WWOX: variants seen among roughly 807,000 people sequenced by gnomAD.
WWOX encodes WW domain containing oxidoreductase, also known as WW domain-containing oxidoreductase.
WWOX carries 69 observed loss-of-function variants against 46.2 expected under a neutral mutation model. The observed-to-expected ratio is 1.49, with a 90% confidence interval of 1.23 to 1.82. The LOEUF (loss-of-function observed/expected upper bound fraction) is 1.82. WWOX is among the 40% of genes most tolerant of loss of function. The pLI is 0.00. For synonymous variants in WWOX, 359 were observed against 202.6 expected (o/e 1.77, Z -6.56); for missense variants, 919 against 542.6 (o/e 1.69, Z -6.89).
chr16:78,436,114 A>T (rs959662645), intron 8 of WWOX, among the ~76,000 whole-genome samples: 8 of 152,156 alleles, frequency 5.3e-5, no homozygotes, highest in African/African-American at 7.2e-5. Context: ...TTCGCATGGG[A>T]GGTATGCAGT....
chr16:78,457,123 A>G (rs1373419781), intron 8 of WWOX, among the ~76,000 whole-genome samples: 2 of 152,324 alleles, frequency 1.3e-5, no homozygotes, highest in African/African-American at 4.8e-5. Flanking sequence ...CAGAATGGTA[A>G]CATTCTCTCT....
chr16:78,714,264 G>GTT (rs779263203), intron 8 of WWOX, among the ~76,000 whole-genome samples: 1 of 152,178 alleles, frequency 6.6e-6, no homozygotes, highest in Non-Finnish European at 1.5e-5. Context: ...CGGACTCATA[G>GTT]TTGCACATGG....
chr16:78,739,167 A>C (rs185628928), intron 8 of WWOX, among the ~76,000 whole-genome samples: 207 of 152,054 alleles, frequency 1.4e-3, no homozygotes, highest in Non-Finnish European at 2.5e-3. Context: ...CAGAGCTAGG[A>C]CCATGACTTT....
intron 8 of WWOX, among the ~76,000 whole-genome samples, chr16:78,727,009 A>G (rs1361045265): frequency 1.3e-5 from 2 of 152,142 alleles, no homozygotes; most frequent in Non-Finnish European, 2.9e-5. Flanking sequence ...GCAGCCCTCT[A>G]CATCTTCCGT....
intron 8 of WWOX, among the ~76,000 whole-genome samples, chr16:78,830,934 T>C (rs1163741077): frequency 1.3e-4 from 20 of 152,156 alleles, no homozygotes; most frequent in Admixed American, 1.3e-3. Flanking sequence ...AAAAGGGCCA[T>C]AGCAATCATT....
At chr16:79,032,794 G>C (rs550758639) in intron 8 of WWOX, among the ~76,000 whole-genome samples, 1 of 151,484 alleles carries the variant, frequency 6.6e-6, no homozygotes, top group South Asian at 2.1e-4. Flanking sequence ...AAGTTCAGGG[G>C]TCCATGTGCA....
At chr16:78,412,874 G>A (rs1304667139) in intron 6 of WWOX, among the ~76,000 whole-genome samples, 3 of 152,192 alleles carry the variant, frequency 2.0e-5, no homozygotes, top group Non-Finnish European at 4.4e-5. Context: ...AGAGAGAGAC[G>A]AGTGCAACCT....
chr16:78,830,427 C>T (rs2051787733), intron 8 of WWOX, among the ~76,000 whole-genome samples: 1 of 152,024 alleles, frequency 6.6e-6, no homozygotes, highest in African/African-American at 2.4e-5. Context: ...CTCTCCCCTC[C>T]CCCACTTTTT....
chr16:79,118,151 C>G (rs2049555561), intron 8 of WWOX, among the ~76,000 whole-genome samples: 1 of 152,198 alleles, frequency 6.6e-6, no homozygotes, highest in African/African-American at 2.4e-5. Flanking sequence ...AGACATGCAA[C>G]TCTGACTTTC....
chr16:78,214,707 C>T (rs868405836), intron 5 of WWOX, among the ~76,000 whole-genome samples: 11 of 152,238 alleles, frequency 7.2e-5, no homozygotes, highest in Middle Eastern at 3.4e-3. Flanking sequence ...TGCCCAGCAA[C>T]GCTCCATTCA....
chr16:78,476,633 A>C (rs542980423), intron 8 of WWOX, among the ~76,000 whole-genome samples: 3 of 150,576 alleles, frequency 2.0e-5, no homozygotes, highest in African/African-American at 4.9e-5. Flanking sequence ...AAAAAAAAGA[A>C]CTGGAGCATC....
intron 8 of WWOX, among the ~76,000 whole-genome samples, chr16:78,966,172 T>G (rs2046360076): frequency 6.6e-6 from 1 of 152,224 alleles, no homozygotes; most frequent in Non-Finnish European, 1.5e-5. Flanking sequence ...TATAATTTAT[T>G]TTTCCGTGTG....
intron 8 of WWOX, among the ~76,000 whole-genome samples, chr16:78,476,468 A>T (rs998003679): frequency 5.3e-5 from 8 of 152,044 alleles, no homozygotes; most frequent in Admixed American, 2.6e-4. Context: ...GGGTGCGGGG[A>T]GGGGAGAGGG....
intron 4 of WWOX, among the ~76,000 whole-genome samples, chr16:78,156,830 A>T (rs767152656): frequency 6.6e-6 from 1 of 152,168 alleles, no homozygotes; most frequent in African/African-American, 2.4e-5. Flanking sequence ...AGACTGAGAC[A>T]CGAGAATCGC....
chr16:78,468,279 T>TG (rs1359093256), intron 8 of WWOX, among the ~76,000 whole-genome samples: 35 of 151,802 alleles, frequency 2.3e-4, no homozygotes, highest in African/African-American at 8.0e-4. Context: ...TTTTTTTTTT[T>TG]TTTAAACTTC....
intron 8 of WWOX, among the ~76,000 whole-genome samples, chr16:78,578,284 ATTTTTTT>A (rs1172203878): frequency 1.7e-3 from 35 of 20,830 alleles, no homozygotes; most frequent in African/African-American, 6.8e-3. Context: ...ATATATATAT[ATTTTTTT>A]TTTTTTTTTT....
chr16:78,270,617 C>G (rs1167084633), intron 5 of WWOX: 1 of 152,208 alleles, frequency 6.6e-6, no homozygotes, highest in Admixed American at 6.5e-5. Flanking sequence ...TGTATCTGAT[C>G]CTGGGTCTCC....
chr16:78,272,329 G>T (rs1343298908), intron 5 of WWOX, among the ~76,000 whole-genome samples: 1 of 152,166 alleles, frequency 6.6e-6, no homozygotes, highest in Non-Finnish European at 1.5e-5. Context: ...CTTACCCAGA[G>T]CCCTACACAT....
intron 8 of WWOX, among the ~76,000 whole-genome samples, chr16:78,465,402 A>C (rs952128773): frequency 6.6e-6 from 1 of 152,030 alleles, no homozygotes; most frequent in Non-Finnish European, 1.5e-5. Flanking sequence ...CCACTCTCCA[A>C]CTCCTAAGCT....
Sources: allele counts gnomAD v4.1 joint callset (sites outside exome capture counted in the v4.1 genomes callset), GRCh38; gene constraint gnomAD v4.1.1; transcripts MANE v1.5; gene names NCBI Gene and HGNC (gene_info 2026-07-23, HGNC 2026-07-21).